The following GALNT16 variants were observed in gnomAD, a reference collection of about 807,000 sequenced individuals.
GALNT16 encodes polypeptide N-acetylgalactosaminyltransferase 16.
Under a neutral mutation model 76.1 loss-of-function variants are expected in GALNT16, and 40 were observed. The ratio of observed to expected loss-of-function variants is 0.53; its 90% CI spans 0.41 to 0.68. The LOEUF (loss-of-function observed/expected upper bound fraction) is 0.68. Ranked by LOEUF, GALNT16 falls within the 30% of genes least tolerant of loss-of-function variation. The pLI is 0.00. For synonymous variants in GALNT16, 276 were observed against 285.2 expected (o/e 0.97, Z 0.32); for missense variants, 621 against 731.9 (o/e 0.85, Z 1.75).
the GALNT16 span, among the ~76,000 whole-genome samples, chr14:69,385,527 T>A: frequency 6.6e-6 from 1 of 151,840 alleles, no homozygotes; most frequent in Non-Finnish European, 1.5e-5. Flanking sequence ...CCTTCTCTGG[T>A]ACATCATCCC....
chr14:69,280,099 G>T (rs2044520370), intron 1 of GALNT16, among the ~76,000 whole-genome samples: 1 of 152,168 alleles, frequency 6.6e-6, no homozygotes. Flanking sequence ...TGGCATTAAA[G>T]ACATTCACAT....
At chr14:69,363,313 G>C in the GALNT16 span, among the ~76,000 whole-genome samples, 1 of 152,172 alleles carries the variant, frequency 6.6e-6, no homozygotes, top group East Asian at 1.9e-4. Flanking sequence ...CAACAACACA[G>C]AGAAAGCTGC....
chr14:69,269,730 G>A (rs141852446), intron 1 of GALNT16, among the ~76,000 whole-genome samples: 172 of 150,282 alleles, frequency 1.1e-3, no homozygotes, highest in African/African-American at 3.9e-3. Flanking sequence ...TGTGGGGTTC[G>A]TGTATGTCTG....
At chr14:69,373,938 A>T in the GALNT16 span, among the ~76,000 whole-genome samples, 5 of 151,658 alleles carry the variant, frequency 3.3e-5, no homozygotes, top group African/African-American at 1.2e-4. Flanking sequence ...ATGCCACCAC[A>T]CCCAGCTAAT....
chr14:69,362,770 A>T, the GALNT16 span, among the ~76,000 whole-genome samples: 1 of 152,244 alleles, frequency 6.6e-6, no homozygotes, highest in Non-Finnish European at 1.5e-5. Context: ...CAGAGCTGCT[A>T]GACTCTAAAG....
At chr14:69,260,989 C>A (rs775256830) in intron 1 of GALNT16, among the ~76,000 whole-genome samples, 10 of 152,154 alleles carry the variant, frequency 6.6e-5, no homozygotes, top group Non-Finnish European at 1.3e-4. Flanking sequence ...CCCTTCTGAG[C>A]CGGGTCAACT....
At chr14:69,266,452 C>T (rs534584178) in intron 1 of GALNT16, among the ~76,000 whole-genome samples, 29 of 152,214 alleles carry the variant, frequency 1.9e-4, no homozygotes, top group Non-Finnish European at 3.8e-4. Flanking sequence ...TTCTTAACCA[C>T]ATCTCACACT....
chr14:69,271,415 G>T (rs4902706), intron 1 of GALNT16, among the ~76,000 whole-genome samples: 40,096 of 152,068 alleles, frequency 0.26, 5,554 homozygotes, highest in South Asian at 0.34. Context: ...GGAAAACTGG[G>T]CATAAGGTGA....
the GALNT16 span, chr14:69,380,187 C>T: frequency 3.4e-5 from 6 of 178,428 alleles, no homozygotes; most frequent in Non-Finnish European, 5.8e-5. Flanking sequence ...CATGGCTAAA[C>T]TGCATTTCCA....
chr14:69,316,203 C>T (rs566616940), intron 1 of GALNT16, among the ~76,000 whole-genome samples: 6 of 152,172 alleles, frequency 3.9e-5, no homozygotes, highest in East Asian at 1.9e-4. Context: ...AACTACCATA[C>T]GCCGGCTTGG....
In GALNT16 at chr14:69,320,858, C is replaced by T. The variant is rs768990473; in HGVS notation, c.325C>T (p.Arg109Cys). ...CCCAGACCGGCCCATCCGGGACACC[C>T]GCCATTACAGGTACGGCCTCCATCG... ...LSPDRPIRDT[R>C]HYSCPSVSYS... The change falls in exon 2 of 15, where the codon CGC becomes TGC. Residue 109 changes from arginine (R) to cysteine (C), a missense_variant. Transcript: ENST00000448469. The T allele has an allele frequency of 8.7e-6, 14 of 1,613,806 alleles. No homozygotes were observed. The Admixed American group carries it at 1.2e-4, about 13-fold the overall frequency.
intron 1 of GALNT16, among the ~76,000 whole-genome samples, chr14:69,294,328 G>A (rs1040787252): frequency 6.6e-6 from 1 of 152,164 alleles, no homozygotes; most frequent in Non-Finnish European, 1.5e-5. Context: ...CACCATGTTG[G>A]TCAGGCTGGT....
chr14:69,334,543 G>T (rs1364485348), intron 9 of GALNT16, among the ~76,000 whole-genome samples: 2 of 152,234 alleles, frequency 1.3e-5, no homozygotes, highest in Non-Finnish European at 2.9e-5. Flanking sequence ...TTTACATGGT[G>T]CGGGCAGGAT....
intron 1 of GALNT16, among the ~76,000 whole-genome samples, chr14:69,313,656 T>C (rs866205672): frequency 7.9e-5 from 12 of 152,240 alleles, no homozygotes; most frequent in Admixed American, 4.6e-4. Flanking sequence ...TTAGGATGTG[T>C]TGGGAAATCT....
At chr14:69,330,064 A>G (rs1204951181) in intron 6 of GALNT16, among the ~76,000 whole-genome samples, 1 of 152,240 alleles carries the variant, frequency 6.6e-6, no homozygotes, top group Non-Finnish European at 1.5e-5. Context: ...TAGTTAGCAT[A>G]TGACCCAGCA....
At chr14:69,369,940 CCA>C in the GALNT16 span, among the ~76,000 whole-genome samples, 80 of 152,184 alleles carry the variant, frequency 5.3e-4, no homozygotes, top group Non-Finnish European at 9.9e-4. Context: ...TTGGGGATGC[CCA>C]CACTGAGTGA....
chr14:69,337,833 G>C (rs1330468846), intron 9 of GALNT16, among the ~76,000 whole-genome samples: 1 of 152,200 alleles, frequency 6.6e-6, no homozygotes. Flanking sequence ...TGCCACGTGA[G>C]AGCCCCCAGG....
downstream of GALNT16, chr14:69,357,517 G>A (rs1409420572): frequency 6.6e-6 from 1 of 152,238 alleles, no homozygotes; most frequent in African/African-American, 2.4e-5. Context: ...TGCTTCTTGA[G>A]CTAGGGACCA....
In GALNT16 at chr14:69,354,438, A is replaced by G. The variant is rs2045675265; in HGVS notation, c.*2270A>G. ...AGGACCTCGTCTTTATGAAACACAC[A>G]CCTGGAATAAAACCACTTCTTACAT... On this transcript the variant is annotated 3_prime_UTR_variant, in exon 15 of 15. Transcript: ENST00000448469. 1 of 152,652 alleles carries G rather than the reference A, an allele frequency of 6.6e-6. No individual in the cohort carries two copies. The highest frequency in any genetic ancestry group is 6.5e-5 in the Admixed American group (1 of 15,274). The allele number at this position is 152,652 out of a possible 1,614,324, so 9.5% of individuals were successfully genotyped here. A position where few individuals can be genotyped will look rare whatever the true frequency, so the allele number is the denominator to read the frequency against.
Sources: allele counts gnomAD v4.1 joint callset (sites outside exome capture counted in the v4.1 genomes callset), GRCh38; gene constraint gnomAD v4.1.1; transcripts MANE v1.5; gene names NCBI Gene and HGNC (gene_info 2026-07-23, HGNC 2026-07-21).